The following INSL6 variants were observed in gnomAD, a reference collection of about 807,000 sequenced individuals.
INSL6 encodes the protein insulin like 6, also known as insulin-like peptide INSL6.
Under a neutral mutation model 9.4 loss-of-function variants are expected in INSL6, and 16 were observed. That is an observed-to-expected ratio of 1.70 (90% CI 1.15 to 2.59). The LOEUF is 2.59. INSL6 is among the 30% of genes most tolerant of loss of function. The pLI is 0.00. For missense variants in INSL6, 391 were observed against 257.3 expected, an observed-to-expected ratio of 1.52 and a Z score of -3.56; for synonymous variants, 154 against 96.9, an observed-to-expected ratio of 1.59 and a Z score of -3.46.
chr9:5,090,343 T>A, the INSL6 span: 1 of 852,770 alleles, frequency 1.2e-6, no homozygotes, highest in Non-Finnish European at 1.6e-6. Context: ...TTTGTCATCT[T>A]AGATTTCATA....
the INSL6 span, chr9:5,080,680 C>G: frequency 6.4e-7 from 1 of 1,567,238 alleles, no homozygotes. Flanking sequence ...TTTGTTTACT[C>G]CAGGTATGTA....
chr9:5,111,718 G>C, the INSL6 span: 2 of 433,044 alleles, frequency 4.6e-6, no homozygotes, highest in Non-Finnish European at 9.2e-6. Flanking sequence ...GCCTGCACCA[G>C]CACGAGCGCG....
At chr9:5,140,121 T>C (rs1824468427) in intron 2 of INSL6, among the ~76,000 whole-genome samples, 2 of 152,206 alleles carry the variant, frequency 1.3e-5, no homozygotes, top group Non-Finnish European at 2.9e-5. Context: ...GCATTAGTTA[T>C]GCATTTAGGA....
the INSL6 span, among the ~76,000 whole-genome samples, chr9:5,015,932 CTGT>C: frequency 3.3e-5 from 5 of 152,144 alleles, no homozygotes; most frequent in Non-Finnish European, 5.9e-5. Context: ...ATAGATCAAG[CTGT>C]ACATATATAT....
intron 1 of INSL6, among the ~76,000 whole-genome samples, chr9:5,179,361 T>C (rs973481922): frequency 6.6e-6 from 1 of 152,120 alleles, no homozygotes; most frequent in Admixed American, 6.5e-5. Flanking sequence ...AAACAACAGA[T>C]GCTGGCAAGG....
chr9:5,123,097 T>C (rs749700990), downstream of INSL6: 2 of 1,607,044 alleles, frequency 1.2e-6, no homozygotes, highest in Non-Finnish European at 1.7e-6. Context: ...TCACATACAT[T>C]GAGAAGAGTA....
chr9:5,126,222 C>G, intron 3 of INSL6: 1 of 655,328 alleles, frequency 1.5e-6, no homozygotes. Flanking sequence ...GGTTTGAAAA[C>G]ATACAAAAGC....
At chr9:5,154,901 G>C (rs1430220140) in intron 2 of INSL6, among the ~76,000 whole-genome samples, 1 of 152,114 alleles carries the variant, frequency 6.6e-6, no homozygotes, top group Non-Finnish European at 1.5e-5. Flanking sequence ...TTCAACCATT[G>C]TGGAAGTCAG....
chr9:5,036,869 C>T, the INSL6 span, among the ~76,000 whole-genome samples: 1 of 152,092 alleles, frequency 6.6e-6, no homozygotes, highest in African/African-American at 2.4e-5. Flanking sequence ...AATGGGATCT[C>T]ATTAAACCAA....
chr9:5,011,806 C>G, the INSL6 span, among the ~76,000 whole-genome samples: 1 of 152,294 alleles, frequency 6.6e-6, no homozygotes, highest in East Asian at 1.9e-4. Context: ...CAACTTGATC[C>G]TGCGGAGGCT....
the INSL6 span, among the ~76,000 whole-genome samples, chr9:5,009,078 G>A: frequency 1.3e-5 from 2 of 152,050 alleles, no homozygotes; most frequent in African/African-American, 4.8e-5. Context: ...ACAGCCACTT[G>A]CAAACTTTAA....
In INSL6 at chr9:5,185,330, TC is replaced by T; in HGVS notation, c.272del (p.Gly91GlufsTer15). On this transcript the variant is annotated frameshift_variant, in exon 1 of 2. Transcript: ENST00000381641. LOFTEE classifies it low-confidence loss of function (END_TRUNC). ...ESPQTASPAR[G>X]RGTNPVSTSW... is the part of the protein sequence containing the mutation. ...GATTTTTACCTGGGTTTGTGCCTCTTCCCCGGGCCGGGGAAGCGGTTTGCGG... is the reference window on the plus strand; with the variant it reads ...GATTTTTACCTGGGTTTGTGCCTCTTCCCGGGCCGGGGAAGCGGTTTGCGG... The T allele has an allele frequency of 6.2e-7, 1 of 1,614,038 alleles. No homozygotes were observed. Among genetic ancestry groups the T allele is most frequent in the South Asian group, 1.1e-5 (1 of 91,064 alleles).
the INSL6 span, among the ~76,000 whole-genome samples, chr9:5,048,094 C>T: frequency 6.6e-6 from 1 of 152,078 alleles, no homozygotes; most frequent in African/African-American, 2.4e-5. Context: ...ATCATGACTT[C>T]CATAGAATTT....
chr9:5,170,374 G>C (rs992033787), intron 1 of INSL6, among the ~76,000 whole-genome samples: 2 of 152,038 alleles, frequency 1.3e-5, no homozygotes, highest in Non-Finnish European at 2.9e-5. Context: ...AAACTTTATA[G>C]CGCTAAATGC....
chr9:5,087,512 C>G, the INSL6 span, among the ~76,000 whole-genome samples: 2 of 140,220 alleles, frequency 1.4e-5, no homozygotes, highest in East Asian at 2.0e-4. Flanking sequence ...CTATCTCAAA[C>G]CCTTCTGGTT....
downstream of INSL6, among the ~76,000 whole-genome samples, chr9:5,120,178 C>G (rs534488372): frequency 9.8e-5 from 15 of 152,306 alleles, 1 homozygote; most frequent in East Asian, 2.9e-3. Flanking sequence ...AGGAGGAACA[C>G]CATGTCCTCA....
chr9:5,134,637 C>T (rs1246130085), intron 2 of INSL6, among the ~76,000 whole-genome samples: 3 of 152,144 alleles, frequency 2.0e-5, no homozygotes, highest in African/African-American at 4.8e-5. Context: ...GAAGCAAATG[C>T]TGAGAGATTT....
At chr9:5,136,820 G>C (rs1261757740) in intron 2 of INSL6, among the ~76,000 whole-genome samples, 3 of 152,146 alleles carry the variant, frequency 2.0e-5, no homozygotes, top group Non-Finnish European at 4.4e-5. Flanking sequence ...AGGAAAAGAG[G>C]AAGTCAAATT....
the INSL6 span, among the ~76,000 whole-genome samples, chr9:5,059,565 G>GTA: frequency 5.9e-5 from 9 of 151,782 alleles, no homozygotes; most frequent in South Asian, 2.1e-4. Flanking sequence ...CTCTTTTTTT[G>GTA]TATATATATA....
Sources: allele counts gnomAD v4.1 joint callset (sites outside exome capture counted in the v4.1 genomes callset), GRCh38; gene constraint gnomAD v4.1.1; transcripts MANE v1.5; gene names NCBI Gene and HGNC (gene_info 2026-07-23, HGNC 2026-07-21).